DNAH14: variants seen among roughly 807,000 people sequenced by gnomAD.
The protein encoded by DNAH14 is axonemal beta dynein heavy chain 14.
DNAH14 carries 478 observed loss-of-function variants against 520.9 expected under a neutral mutation model. That is an observed-to-expected ratio of 0.92 (90% CI 0.85 to 0.99). DNAH14 has a LOEUF of 0.99. DNAH14 is among the 50% of genes least tolerant of loss of function. DNAH14 has a pLI of 0.00. For missense variants in DNAH14, 4,831 were observed against 5,234.5 expected (o/e 0.92, Z 2.38); for synonymous variants, 1,581 against 1,757.2 (o/e 0.90, Z 2.51).
chr1:225,317,430 T>C (rs535216191), intron 60 of DNAH14, among the ~76,000 whole-genome samples: 1 of 152,076 alleles, frequency 6.6e-6, no homozygotes, highest in Middle Eastern at 3.4e-3. Flanking sequence ...TTCACGTTTT[T>C]ATCTTAATTA....
At chr1:225,074,238 A>G (rs1385064124) in intron 17 of DNAH14, among the ~76,000 whole-genome samples, 1 of 151,868 alleles carries the variant, frequency 6.6e-6, no homozygotes, top group East Asian at 1.9e-4. Flanking sequence ...TGACCTCGTG[A>G]TCCGCCTGCC....
chr1:224,971,737 G>A (rs1044619451), intron 7 of DNAH14, among the ~76,000 whole-genome samples: 23 of 152,154 alleles, frequency 1.5e-4, no homozygotes, highest in African/African-American at 4.6e-4. Flanking sequence ...TGTGAAGCAG[G>A]AACAAGTTTA....
chr1:225,217,995 T>C (rs996498444), intron 41 of DNAH14, among the ~76,000 whole-genome samples: 2 of 152,032 alleles, frequency 1.3e-5, no homozygotes, highest in South Asian at 2.1e-4. Flanking sequence ...ACTATAGCTG[T>C]TCCTATTTGT....
intron 4 of DNAH14, among the ~76,000 whole-genome samples, chr1:224,960,931 G>A (rs2125558526): frequency 1.3e-5 from 2 of 152,040 alleles, no homozygotes; most frequent in Middle Eastern, 6.8e-3. Context: ...ACCTCATATA[G>A]CACAAAACCT....
chr1:224,976,586 C>T (rs1371595388), intron 8 of DNAH14, among the ~76,000 whole-genome samples: 9 of 151,992 alleles, frequency 5.9e-5, no homozygotes, highest in African/African-American at 1.7e-4. Context: ...GCAACCTGCT[C>T]ATCTGACAAA....
At chr1:225,332,996 C>A (rs542800162) in intron 65 of DNAH14, among the ~76,000 whole-genome samples, 153 of 152,134 alleles carry the variant, frequency 1.0e-3, no homozygotes, top group Non-Finnish European at 1.2e-3. Flanking sequence ...TAAGAGAAGA[C>A]CCTGTCTCTA....
intron 11 of DNAH14, among the ~76,000 whole-genome samples, chr1:225,029,980 A>G (rs1346337415): frequency 1.3e-5 from 2 of 152,002 alleles, no homozygotes; most frequent in East Asian, 1.9e-4. Flanking sequence ...TTCAAAAAGT[A>G]AAAGTCTTCA....
chr1:225,258,962 A>G (rs2092833280), intron 45 of DNAH14, among the ~76,000 whole-genome samples, 159 bp from the exon 46 acceptor site: 2 of 152,190 alleles, frequency 1.3e-5, no homozygotes, highest in Admixed American at 6.5e-5. Flanking sequence ...TAACTTCCTC[A>G]TTTAACCACT....
chr1:225,245,353 A>G (rs980946148), intron 43 of DNAH14, among the ~76,000 whole-genome samples: 5 of 152,186 alleles, frequency 3.3e-5, no homozygotes, highest in East Asian at 1.9e-4. Context: ...GTAGATGTCT[A>G]TTAGGTTCAT....
chr1:225,391,908 GAC>G (rs1386234003), intron 83 of DNAH14, among the ~76,000 whole-genome samples: 1 of 152,130 alleles, frequency 6.6e-6, no homozygotes, highest in Non-Finnish European at 1.5e-5. Flanking sequence ...GGAAGACTCT[GAC>G]ACACTTGGTC....
At chr1:225,080,126 ATGGC>A (rs1189865084) in intron 18 of DNAH14, among the ~76,000 whole-genome samples, 1 of 152,206 alleles carries the variant, frequency 6.6e-6, no homozygotes, top group Non-Finnish European at 1.5e-5. Flanking sequence ...AAACAGCAGC[ATGGC>A]TGGTGACTTT....
chr1:225,205,826 A>G (rs2087480641), intron 39 of DNAH14, 145 bp from the exon 40 acceptor site: 5 of 624,648 alleles, frequency 8.0e-6, no homozygotes, highest in Non-Finnish European at 1.4e-5. Context: ...ACCAGGGACT[A>G]CATATAAACA....
rs148023906 is a variant in DNAH14, at chr1:225,346,067, A to T, written c.10784A>T (p.Glu3595Val). The change falls in exon 70 of 86, where the codon GAA becomes GTA. Residue 3595 changes from glutamate to valine, a missense_variant. Glu to Val is a moderately radical substitution (Grantham distance 121). Transcript: ENST00000682510. ...RIEATKKAES[E>V]IQAIRKNYLP... ...GAAGCAACAAAAAAAGCTGAAAGTGAAATCCAAGCAATACGTAAAAACTAT... is the reference window on the plus strand; with the variant it reads ...GAAGCAACAAAAAAAGCTGAAAGTGTAATCCAAGCAATACGTAAAAACTAT... The T allele has an allele frequency of 6.7e-4, 1,032 of 1,551,728 alleles. 9 individuals are homozygous for T. In the African/African-American group the frequency reaches 0.011, roughly 17 times the overall value.
At position 224,967,543 on chromosome 1, in the gene DNAH14, G is replaced by A. The variant is rs2061260810; in HGVS notation, c.611G>A (p.Cys204Tyr). 3 of 1,602,922 alleles carry A rather than the reference G, an allele frequency of 1.9e-6. No individual in the cohort carries two copies. Among genetic ancestry groups the A allele is most frequent in the African/African-American group, 2.7e-5 (2 of 74,134 alleles). ...QVVSAHTAKH[C>Y]KEFWVITASF... ...GTATCGGCTCATACTGCTAAACATT[G>A]CAAAGAATTTTGGGTTATTACTGCT... The change falls in exon 6 of 86, where the codon TGC (cysteine) becomes TAC (tyrosine). Residue 204 changes from cysteine to tyrosine, a missense_variant. By Grantham distance (194) the Cys-to-Tyr change is radical. Transcript: ENST00000682510.
intron 8 of DNAH14, among the ~76,000 whole-genome samples, chr1:224,975,791 C>A (rs2061786110): frequency 6.6e-6 from 1 of 151,196 alleles, no homozygotes; most frequent in Admixed American, 6.6e-5. Context: ...TTTGCTCTTG[C>A]TTTTCTAATT....
chr1:225,277,789 A>G (rs2149891683), intron 54 of DNAH14, among the ~76,000 whole-genome samples: 1 of 152,334 alleles, frequency 6.6e-6, no homozygotes, highest in East Asian at 1.9e-4. Context: ...GACTTCAAAA[A>G]TAGTGCGCTT....
intron 23 of DNAH14, among the ~76,000 whole-genome samples, chr1:225,107,516 A>G (rs925281012): frequency 3.9e-5 from 6 of 152,180 alleles, no homozygotes; most frequent in African/African-American, 1.2e-4. Context: ...ACAAAACGAC[A>G]TGGACATACA....
At chr1:225,192,591 G>T in intron 37 of DNAH14, 105 bp from the exon 38 acceptor site, 2 of 689,824 alleles carry the variant, frequency 2.9e-6, no homozygotes, top group Non-Finnish European at 4.6e-6. Context: ...ATCTTTTTTT[G>T]GTGTGAAAGG....
chr1:225,037,888 G>C (rs1224434669), intron 11 of DNAH14, among the ~76,000 whole-genome samples: 1 of 152,060 alleles, frequency 6.6e-6, no homozygotes, highest in Non-Finnish European at 1.5e-5. Context: ...CTCCATGTTG[G>C]TCAGGCTGGT....
Sources: allele counts gnomAD v4.1 joint callset (sites outside exome capture counted in the v4.1 genomes callset), GRCh38; gene constraint gnomAD v4.1.1; transcripts MANE v1.5; gene names NCBI Gene and HGNC (gene_info 2026-07-23, HGNC 2026-07-21).